Variants in PTF1A observed in about 807,000 individuals in gnomAD.
PTF1A encodes pancreas transcription factor 1 subunit alpha.
Under a neutral mutation model 22.6 loss-of-function variants are expected in PTF1A, and 18 were observed. The ratio of observed to expected loss-of-function variants is 0.80; its 90% CI spans 0.55 to 1.18. The LOEUF (loss-of-function observed/expected upper bound fraction) is 1.18, where lower values mean the gene tolerates loss of function less well. Among genes scored for constraint, PTF1A ranks in the 50% most tolerant of loss-of-function variants. The pLI, the probability that PTF1A is intolerant of heterozygous loss-of-function variation, is 0.00. For synonymous variants in PTF1A, 259 were observed against 227.9 expected, an observed-to-expected ratio of 1.14 and a Z score of -1.23; for missense variants, 477 against 473.0, an observed-to-expected ratio of 1.01 and a Z score of -0.08.
In PTF1A at chr10:23,194,166, T is replaced by G; in HGVS notation, c.*260T>G. On this transcript the variant is annotated 3_prime_UTR_variant, in exon 2 of 2. Transcript: ENST00000376504. ...GAACTCTGTGTTGTTGGGAGAACTC[T>G]GGCCAGAAAACGTCCTGCTTATTTA... 2.4e-6 allele frequency: 1 copy of G among 410,520 alleles called. No homozygotes were observed. The highest frequency in any genetic ancestry group is 4.3e-6 in the Non-Finnish European group (1 of 231,472). The allele number at this position is 410,520 out of a possible 1,614,324, so 25.4% of individuals were successfully genotyped here.
In PTF1A at chr10:23,192,847, C is replaced by A. The variant is rs1456134685; in HGVS notation, c.317C>A (p.Ala106Glu). 2 of 1,307,614 alleles carry A rather than the reference C, an allele frequency of 1.5e-6. No individual in the cohort carries two copies. The highest frequency in any genetic ancestry group is 3.2e-5 in the East Asian group (1 of 30,864). 81.0% of individuals were successfully genotyped at this position (1,307,614 alleles called of 1,614,324 possible). ...GGCGGCTACTGCTGCGAGACGGGGG[C>A]GCCCCCAGGCGGCTTCCCCTACTCG... The part of the protein sequence containing the change: ...GGGGYCCETG[A>E]PPGGFPYSPG... Residue 106 changes from alanine to glutamate, a missense_variant, in exon 1 of 2, where the codon GCG (alanine) becomes GAG (glutamate). Ala to Glu is a moderately radical substitution (Grantham distance 107, BLOSUM62 -1). Transcript: ENST00000376504.
Position 23,192,815 on chromosome 10 carries a change from C to A in PTF1A, c.285C>A (p.Gly95=), listed in dbSNP as rs1159928578. Residue 95 remains glycine, a synonymous_variant, in exon 1 of 2, where the codon GGC becomes GGA. Transcript: ENST00000376504. ...SSGGLGEPDD[G]GGGGYCCETG... is the part of the protein sequence containing the mutation. ...GGGGCCTCGGTGAGCCAGACGACGG[C>A]GGCGGCGGCGGCTACTGCTGCGAGA... The A allele has an allele frequency of 5.4e-6, 7 of 1,298,630 alleles. No homozygotes were observed. The highest frequency in any genetic ancestry group is 6.8e-6 in the Non-Finnish European group (7 of 1,029,684). 80.4% of individuals were successfully genotyped at this position (1,298,630 alleles called of 1,614,324 possible). A position where few individuals can be genotyped will look rare whatever the true frequency, so the allele number is the denominator to read the frequency against.
chr10:23,193,645 G>A (rs1047803581), intron 1 of PTF1A, 59 bp from the exon 2 acceptor site: 1 of 1,230,212 alleles, frequency 8.1e-7, no homozygotes, highest in Non-Finnish European at 1.2e-6. Flanking sequence ...AGGACCTGAT[G>A]GGACCAATGG....
Position 23,193,236 on chromosome 10 carries a change from C to T in PTF1A, c.706C>T (p.Pro236Ser). Reference protein sequence around the residue: ...RGGGAGGCGGPGGGGRLGGDS... With the variant: ...RGGGAGGCGGSGGGGRLGGDS... ...CGGTGGCGCGGGCGGCTGCGGGGGG[C>T]CGGGCGGCGGCGGGCGCCTGGGCGG... Residue 236 changes from proline to serine, a missense_variant, in exon 1 of 2, where the codon CCG becomes TCG. Coordinates refer to ENST00000376504, the MANE Select transcript of PTF1A (RefSeq NM_178161.3). 1 of 1,262,478 alleles carries T rather than the reference C, an allele frequency of 7.9e-7. No individual in the cohort carries two copies. Among genetic ancestry groups the T allele is most frequent in the Non-Finnish European group, 9.9e-7 (1 of 1,010,256 alleles). 78.2% of individuals were successfully genotyped at this position (1,262,478 alleles called of 1,614,324 possible).
Position 23,194,135 on chromosome 10 carries a change from T to A in PTF1A, c.*229T>A, listed in dbSNP as rs1247682102. ...CTGAAAATATGCAATAGCCTATGAT[T>A]TTCCTGAACTCTGTGTTGTTGGGAG... is the stretch of plus-strand genomic sequence containing the variant. On this transcript the variant is annotated 3_prime_UTR_variant, in exon 2 of 2. Coordinates refer to ENST00000376504, the MANE Select transcript of PTF1A (RefSeq NM_178161.3). 1 of 478,400 alleles carries A rather than the reference T, an allele frequency of 2.1e-6. No homozygotes were observed. The highest frequency in any genetic ancestry group is 3.7e-6 in the Non-Finnish European group (1 of 270,670). 29.6% of individuals were successfully genotyped at this position (478,400 alleles called of 1,614,324 possible).
rs1271350761 is a variant in PTF1A at position 23,192,710 on chromosome 10, C to G, written c.180C>G (p.Tyr60Ter). The change falls in exon 1 of 2, where the codon TAC becomes TAG. Residue 60 changes from tyrosine (Y) to a stop codon, truncating the protein, a stop_gained. Transcript: ENST00000376504. LOFTEE classifies it high-confidence loss of function. ...VEFLSHQLHE[Y>*]CYRDGACLLL... Reference sequence around the variant, plus strand: ...TCCTTAGCCACCAGCTCCACGAGTACTGCTACCGCGACGGGGCGTGCCTGC... The same window carrying G: ...TCCTTAGCCACCAGCTCCACGAGTAGTGCTACCGCGACGGGGCGTGCCTGC... The G allele has an allele frequency of 6.4e-7, 1 of 1,563,154 alleles. No homozygotes were observed.
chr10:23,192,992 G>A lies in PTF1A; in HGVS notation c.462G>A (p.Arg154=). ...AAAAAARRRR[R]VRSEAELQQL... is the part of the protein sequence containing the mutation. ...CTGCGGCGGCGCGGCGCCGGCGGCG[G>A]GTGCGCTCCGAGGCGGAGCTGCAGC... The change falls in exon 1 of 2, where the codon CGG becomes CGA. Residue 154 remains arginine, a synonymous_variant. Coordinates refer to ENST00000376504, the MANE Select transcript of PTF1A (RefSeq NM_178161.3). The A allele has an allele frequency of 1.7e-6, 2 of 1,165,276 alleles. No individual in the cohort carries two copies. The highest frequency in any genetic ancestry group is 2.1e-6 in the Non-Finnish European group (2 of 942,124). 72.2% of individuals were successfully genotyped at this position (1,165,276 alleles called of 1,614,324 possible).
rs765915324 is a variant in PTF1A, at chr10:23,193,164, A to G, written c.634A>G (p.Ile212Val). 1 of 1,413,530 alleles carries G rather than the reference A, an allele frequency of 7.1e-7. No homozygotes were observed. Among genetic ancestry groups the G allele is most frequent in the South Asian group, 1.4e-5 (1 of 73,730 alleles). The allele number at this position is 1,413,530 out of a possible 1,614,324, so 87.6% of individuals were successfully genotyped here. A position where few individuals can be genotyped will look rare whatever the true frequency, so the allele number is the denominator to read the frequency against. Residue 212 changes from isoleucine to valine, a missense_variant, in exon 1 of 2, where the codon ATC becomes GTC. By Grantham distance (29) the Ile-to-Val change is conservative. Coordinates refer to ENST00000376504, the MANE Select transcript of PTF1A (RefSeq NM_178161.3). The stretch of plus-strand genomic sequence containing the variant: ...CACGCTGCGCCTGGCCATCGGCTAC[A>G]TCAACTTCCTCAGCGAGCTCGTGCA... The part of the protein sequence containing the change: ...VDTLRLAIGY[I>V]NFLSELVQAD...
Position 23,193,713 on chromosome 10 carries a change from C to A in PTF1A, c.794C>A (p.Ser265Tyr). 1.2e-6 allele frequency: 2 copies of A among 1,605,852 alleles called. No homozygotes were observed. Among genetic ancestry groups the A allele is most frequent in the East Asian group, 2.2e-5 (1 of 44,810 alleles). ...IICHRGTRSP[S>Y]PSDPDYGLPP... Reference sequence around the variant, plus strand: ...CTTCTCACCTGTCCAGGGTCCCCCTCCCCCAGCGACCCTGATTATGGCCTC... The same window carrying A: ...CTTCTCACCTGTCCAGGGTCCCCCTACCCCAGCGACCCTGATTATGGCCTC... The change falls in exon 2 of 2, where the codon TCC (serine) becomes TAC (tyrosine). Residue 265 changes from serine (S) to tyrosine (Y), a missense_variant. Transcript: ENST00000376504.
At position 23,193,020 on chromosome 10, in the gene PTF1A, C is replaced by T; in HGVS notation, c.490C>T (p.Leu164=). 1 of 1,278,594 alleles carries T rather than the reference C, an allele frequency of 7.8e-7. No homozygotes were observed. The highest frequency in any genetic ancestry group is 1.0e-6 in the Non-Finnish European group (1 of 999,210). The allele number at this position is 1,278,594 out of a possible 1,614,324, so 79.2% of individuals were successfully genotyped here. The part of the protein sequence containing the change: ...RVRSEAELQQ[L]RQAANVRERR... ...GCGCTCCGAGGCGGAGCTGCAGCAG[C>T]TGCGGCAGGCGGCCAACGTGCGCGA... The change falls in exon 1 of 2, where the codon CTG becomes TTG. Residue 164 remains leucine, a synonymous_variant. Transcript: ENST00000376504.
At position 23,192,385 on chromosome 10, in the gene PTF1A, G is replaced by A; in HGVS notation, c.-146G>A. 1 of 1,129,620 alleles carries A rather than the reference G, an allele frequency of 8.9e-7. No homozygotes were observed. Among genetic ancestry groups the A allele is most frequent in the Non-Finnish European group, 1.2e-6 (1 of 829,424 alleles). The allele number at this position is 1,129,620 out of a possible 1,614,324, so 70.0% of individuals were successfully genotyped here. The stretch of plus-strand genomic sequence containing the variant: ...GAGCGCAGCGGCCGCGGGCACTCCA[G>A]GGAGGCCCGGGGGCGGGCAGCCCGG... On this transcript the variant is annotated 5_prime_UTR_variant, in exon 1 of 2. Transcript: ENST00000376504.
Position 23,192,440 on chromosome 10 carries a change from C to T in PTF1A, c.-91C>T. On this transcript the variant is annotated 5_prime_UTR_variant, in exon 1 of 2. Transcript: ENST00000376504. ...CGCCTAGCTGCCCCCAGCCAGGGCC[C>T]CGGGAGGGAGGGGCTCGGACGGGCC... is the stretch of plus-strand genomic sequence containing the variant. 6.5e-7 allele frequency: 1 copy of T among 1,547,308 alleles called. No individual in the cohort carries two copies. The highest frequency in any genetic ancestry group is 8.7e-7 in the Non-Finnish European group (1 of 1,154,366).
Position 23,192,439 on chromosome 10 carries a change from C to A in PTF1A, c.-92C>A. ...CCGCCTAGCTGCCCCCAGCCAGGGCCCCGGGAGGGAGGGGCTCGGACGGGC... is the reference window on the plus strand; with the variant it reads ...CCGCCTAGCTGCCCCCAGCCAGGGCACCGGGAGGGAGGGGCTCGGACGGGC... On this transcript the variant is annotated 5_prime_UTR_variant, in exon 1 of 2. Transcript: ENST00000376504. The A allele has an allele frequency of 1.9e-6, 3 of 1,544,140 alleles. No homozygotes were observed. Among genetic ancestry groups the A allele is most frequent in the Non-Finnish European group, 2.6e-6 (3 of 1,152,208 alleles).
Position 23,193,924 on chromosome 10 carries a change from T to A in PTF1A, c.*18T>A, listed in dbSNP as rs1840932234. The A allele has an allele frequency of 6.4e-7, 1 of 1,562,582 alleles. No homozygotes were observed. Among genetic ancestry groups the A allele is most frequent in the East Asian group, 2.2e-5 (1 of 44,472 alleles). On this transcript the variant is annotated 3_prime_UTR_variant, in exon 2 of 2. Transcript: ENST00000376504. Reference sequence around the variant, plus strand: ...TGTCCTGAGAAGTCCCAGACTCGGCTGAAGATCTGATTATGTCTCTGTGCA... The same window carrying A: ...TGTCCTGAGAAGTCCCAGACTCGGCAGAAGATCTGATTATGTCTCTGTGCA...
In PTF1A at chr10:23,192,583, C is replaced by T. The variant is rs761787095; in HGVS notation, c.53C>T (p.Ser18Phe). Reference protein sequence around the residue: ...HFPGGLDAFPSSYFDEDDFFT... With the variant: ...HFPGGLDAFPFSYFDEDDFFT... The stretch of plus-strand genomic sequence containing the variant: ...CCCGGGGGCCTAGACGCCTTTCCTT[C>T]TTCGTACTTCGACGAGGACGACTTC... Residue 18 changes from serine (S) to phenylalanine (F), a missense_variant, in exon 1 of 2, where the codon TCT (serine) becomes TTT (phenylalanine). Coordinates refer to ENST00000376504, the MANE Select transcript of PTF1A (RefSeq NM_178161.3). 20 of 1,603,134 alleles carry T rather than the reference C, an allele frequency of 1.2e-5. No individual in the cohort carries two copies. Among genetic ancestry groups the T allele is most frequent in the East Asian group, 1.2e-4 (5 of 43,326 alleles).
In PTF1A at chr10:23,192,964, C is replaced by A. The variant is rs1408372525; in HGVS notation, c.434C>A (p.Ala145Glu). 2 of 1,137,914 alleles carry A rather than the reference C, an allele frequency of 1.8e-6. No homozygotes were observed. The highest frequency in any genetic ancestry group is 3.6e-4 in the Middle Eastern group (1 of 2,766). The allele number at this position is 1,137,914 out of a possible 1,614,324, so 70.5% of individuals were successfully genotyped here. Residue 145 changes from alanine (A) to glutamate (E), a missense_variant, in exon 1 of 2, where the codon GCG becomes GAG. Coordinates refer to ENST00000376504, the MANE Select transcript of PTF1A (RefSeq NM_178161.3). ...CGGCTGCGCGGCCTGAGCGGAGCGG[C>A]GGCTGCGGCGGCGCGGCGCCGGCGG... ...GARLRGLSGA[A>E]AAAARRRRRV... is the part of the protein sequence containing the mutation.
chr10:23,192,603 G>A lies in PTF1A; in HGVS notation c.73G>A (p.Asp25Asn), dbSNP rs1290892099. 4 of 1,603,972 alleles carry A rather than the reference G, an allele frequency of 2.5e-6. No individual in the cohort carries two copies. Among genetic ancestry groups the A allele is most frequent in the Non-Finnish European group, 3.4e-6 (4 of 1,175,430 alleles). The change falls in exon 1 of 2, where the codon GAC (aspartate) becomes AAC (asparagine). Residue 25 changes from aspartate to asparagine, a missense_variant. Transcript: ENST00000376504. ...AFPSSYFDEDDFFTDQSSRDP... is the reference protein window; with the variant it reads ...AFPSSYFDEDNFFTDQSSRDP... Reference sequence around the variant, plus strand: ...TCCTTCTTCGTACTTCGACGAGGACGACTTCTTCACCGACCAGTCTTCACG... The same window carrying A: ...TCCTTCTTCGTACTTCGACGAGGACAACTTCTTCACCGACCAGTCTTCACG...
At chr10:23,193,532 C>A in intron 1 of PTF1A, 172 bp from the exon 2 acceptor site, 1 of 736,934 alleles carries the variant, frequency 1.4e-6, no homozygotes, top group South Asian at 1.8e-5. Context: ...CCCCGCCAGA[C>A]TTGCAGCTCC....
At chr10:23,193,502 C>G in intron 1 of PTF1A, 188 bp downstream of exon 1, 3 of 705,524 alleles carry the variant, frequency 4.3e-6, no homozygotes, top group East Asian at 5.3e-5. Flanking sequence ...ACGTTGACCG[C>G]GGCTCTCAAG....
Sources: allele counts gnomAD v4.1 joint callset, GRCh38; gene constraint gnomAD v4.1.1; transcripts MANE v1.5; gene names NCBI Gene and HGNC (gene_info 2026-07-23, HGNC 2026-07-21).